TMPO: variants seen among roughly 807,000 people sequenced by gnomAD.
TMPO encodes the protein LEM domain containing 4.
In TMPO, 22 loss-of-function variants were observed where a neutral mutation model predicts 45.4. The observed-to-expected ratio is 0.48, with a 90% CI of 0.35 to 0.69. TMPO has a LOEUF of 0.69. Among genes scored for constraint, TMPO ranks in the 30% least tolerant of loss-of-function variants. The pLI, the probability that TMPO is intolerant of heterozygous loss-of-function variation, is 0.01. For missense variants in TMPO, 512 were observed against 548.8 expected (o/e 0.93, Z 0.67); for synonymous variants, 241 against 204.1 (o/e 1.18, Z -1.54).
At chr12:98,541,727 T>C (rs1388558510) in intron 4 of TMPO, among the ~76,000 whole-genome samples, 1 of 152,210 alleles carries the variant, frequency 6.6e-6, no homozygotes, top group Non-Finnish European at 1.5e-5. Flanking sequence ...TATAATGTAG[T>C]TTTATGTAGG....
intron 3 of TMPO, among the ~76,000 whole-genome samples, chr12:98,535,811 C>G (rs1404023882): frequency 6.6e-6 from 1 of 151,992 alleles, no homozygotes; most frequent in African/African-American, 2.4e-5. Context: ...GTTTGAGGAC[C>G]ATGTTTTTAT....
chr12:98,539,449 C>T (rs1877777651), intron 4 of TMPO, among the ~76,000 whole-genome samples: 1 of 151,114 alleles, frequency 6.6e-6, no homozygotes, highest in Admixed American at 6.6e-5. Flanking sequence ...CATCACCCCA[C>T]ACCCTCCAGC....
rs1878089351 is a variant in TMPO at position 98,544,353 on chromosome 12, A to G, written c.783+4A>G. ...AAGAAGAACTCCAAGGAAAAGGGTG[A>G]TGCAAGGCTTATTCCTTGGGTTTTC... On this transcript the variant is annotated splice_donor_region_variant and intron_variant, in intron 5 of 8. Transcript: ENST00000556029. 6.2e-7 allele frequency: 1 copy of G among 1,613,970 alleles called. No individual in the cohort carries two copies. Among genetic ancestry groups the G allele is most frequent in the African/African-American group, 1.3e-5 (1 of 75,046 alleles).
At chr12:98,541,250 A>G (rs144772721) in intron 4 of TMPO, among the ~76,000 whole-genome samples, 35 of 152,266 alleles carry the variant, frequency 2.3e-4, no homozygotes, top group African/African-American at 6.3e-4. Flanking sequence ...AGATAATACT[A>G]TTTGGAAGCA....
chr12:98,539,205 A>G (rs1877757455), intron 4 of TMPO, among the ~76,000 whole-genome samples: 1 of 151,676 alleles, frequency 6.6e-6, no homozygotes, highest in Non-Finnish European at 1.5e-5. Flanking sequence ...TGTCTCAAAA[A>G]TAAATAAATA....
chr12:98,530,336 C>CAA (rs760001497), intron 2 of TMPO, among the ~76,000 whole-genome samples: 1 of 121,610 alleles, frequency 8.2e-6, no homozygotes. Flanking sequence ...GACCTTGTCT[C>CAA]AAAAAAAAAA....
At chr12:98,544,759 A>G (rs1014866431) in intron 6 of TMPO, 192 bp from the exon 7 acceptor site, 3 of 651,586 alleles carry the variant, frequency 4.6e-6, no homozygotes, top group East Asian at 5.4e-5. Context: ...GTATAAGGAT[A>G]TTTTTTGTTA....
intron 2 of TMPO, among the ~76,000 whole-genome samples, chr12:98,528,602 G>A (rs568888820): frequency 5.3e-5 from 8 of 151,798 alleles, no homozygotes; most frequent in Non-Finnish European, 1.2e-4. Flanking sequence ...CTGCTGAGAC[G>A]TGGGTCTTGT....
intron 3 of TMPO, chr12:98,535,735 G>A (rs911095196): frequency 2.3e-6 from 2 of 863,254 alleles, no homozygotes; most frequent in African/African-American, 1.8e-5. Context: ...TTTCATCATT[G>A]AAACTCACTT....
intron 1 of TMPO, among the ~76,000 whole-genome samples, chr12:98,518,575 T>G (rs764029696): frequency 6.6e-6 from 1 of 151,156 alleles, no homozygotes. Flanking sequence ...TGGTTCCTAT[T>G]TATTTTGAGG....
At chr12:98,533,345 C>T in intron 3 of TMPO, 5 of 1,614,180 alleles carry the variant, frequency 3.1e-6, no homozygotes, top group Non-Finnish European at 4.2e-6. Context: ...CTAGAAGAGT[C>T]TGAGAGCTCA....
chr12:98,529,896 G>A (rs2121185441), intron 2 of TMPO, among the ~76,000 whole-genome samples: 1 of 152,302 alleles, frequency 6.6e-6, no homozygotes, highest in South Asian at 2.1e-4. Context: ...GGACGCTAGA[G>A]ATTTGGTAGG....
At position 98,531,843 on chromosome 12, in the gene TMPO, A is replaced by C. The variant is rs1299164674; in HGVS notation, c.565+5A>C. On this transcript the variant is annotated splice_donor_5th_base_variant and intron_variant, in intron 3 of 8. Transcript: ENST00000556029. ...GATACAGTGACAATGAAGAAGGTAAAATTTTAAATGATGTTAATCAAATGT... is the reference window on the plus strand; with the variant it reads ...GATACAGTGACAATGAAGAAGGTAACATTTTAAATGATGTTAATCAAATGT... 2 of 1,609,370 alleles carry C rather than the reference A, an allele frequency of 1.2e-6. No homozygotes were observed. Among genetic ancestry groups the C allele is most frequent in the Admixed American group, 3.4e-5 (2 of 59,264 alleles).
chr12:98,546,679 A>T (rs1214595197), intron 8 of TMPO, among the ~76,000 whole-genome samples: 1 of 152,152 alleles, frequency 6.6e-6, no homozygotes, highest in East Asian at 1.9e-4. Context: ...CTGTCTACCC[A>T]CCGACTTTTA....
intron 1 of TMPO, among the ~76,000 whole-genome samples, chr12:98,527,349 AAC>A (rs1331875620): frequency 1.0e-3 from 141 of 139,276 alleles, no homozygotes; most frequent in African/African-American, 3.0e-3. Flanking sequence ...AAAAAAAAAA[AAC>A]AAAAAAAAAA....
At chr12:98,523,957 A>T (rs1336150802) in intron 1 of TMPO, among the ~76,000 whole-genome samples, 2 of 151,652 alleles carry the variant, frequency 1.3e-5, no homozygotes, top group African/African-American at 4.8e-5. Context: ...AGAATTACAG[A>T]CATGAGCCAC....
rs1878082529 is a variant in TMPO, at chr12:98,544,205, T to G, written c.664-25T>G. The G allele has an allele frequency of 1.9e-6, 3 of 1,612,956 alleles. No homozygotes were observed. The East Asian group carries it at 6.7e-5, about 36-fold the overall frequency. ...AAGTATTTGATGTTAGAATATGACT[T>G]TTTAATGTGTTGATGCTTGAATAGA... is the stretch of plus-strand genomic sequence containing the variant. On this transcript the variant is annotated intron_variant, in intron 4 of 8. Transcript: ENST00000556029.
intron 3 of TMPO, chr12:98,534,154 T>G: frequency 6.2e-7 from 1 of 1,613,920 alleles, no homozygotes. Flanking sequence ...TGAAGCTGCA[T>G]TTGATGAAGT....
chr12:98,534,058 G>A lies in TMPO; in HGVS notation c.565+2220G>A. ...TATGCAGGCAGACATTAGTCAAGCT[G>A]CACAGATTCTTAGCTCAGATCCTAG... On this transcript the variant is annotated intron_variant, in intron 3 of 8. Transcript: ENST00000556029. 2 of 1,609,194 alleles carry A rather than the reference G, an allele frequency of 1.2e-6. No individual in the cohort carries two copies. Among genetic ancestry groups the A allele is most frequent in the East Asian group, 2.2e-5 (1 of 44,734 alleles).
Sources: gnomAD v4.1 joint callset for allele counts (sites outside exome capture counted in the v4.1 genomes callset) on GRCh38, gnomAD v4.1.1 for gene constraint, MANE v1.5 for transcripts, NCBI Gene and HGNC (gene_info 2026-07-23, HGNC 2026-07-21) for gene names.